The following TRAK1 variants were observed in gnomAD, a reference collection of about 807,000 sequenced individuals.
TRAK1 encodes trafficking kinesin protein 1.
A neutral mutation model predicts 92.1 loss-of-function variants in TRAK1; 33 were observed. The ratio of observed to expected loss-of-function variants is 0.36; its 90% confidence interval spans 0.27 to 0.48. TRAK1 has a LOEUF of 0.48. Among genes scored for constraint, TRAK1 ranks in the 20% least tolerant of loss-of-function variants. The probability of loss-of-function intolerance (pLI) is 0.99; values close to 1 mark genes in which losing one functional copy is unlikely to be tolerated. For missense variants in TRAK1, 1,123 were observed against 1,257.9 expected (o/e 0.89, Z 1.62); for synonymous variants, 521 against 517.3 (o/e 1.01, Z -0.10).
chr3:42,040,871 G>A (rs1404943114), intron 1 of TRAK1, among the ~76,000 whole-genome samples: 1 of 152,016 alleles, frequency 6.6e-6, no homozygotes, highest in Non-Finnish European at 1.5e-5. Flanking sequence ...TAGAGACGGG[G>A]TTTCACCATG....
Position 42,181,369 on chromosome 3 carries a change from C to T in TRAK1, c.364-3316C>T, listed in dbSNP as rs116743721. On this transcript the variant is annotated intron_variant, in intron 3 of 15. Transcript: ENST00000327628. ...TACTAGCCTGGCCTACATGGTGAAA[C>T]GCCATTTCTACCAAAAATACAAAAA... Among the ~76,000 whole-genome samples the T allele has an allele frequency of 1.3e-3, 204 of 152,266 alleles. 1 individual carries two copies. The highest frequency in any genetic ancestry group is 4.5e-3 in the African/African-American group (185 of 41,546).
chr3:42,220,135 G>C (rs1577072109), intron 15 of TRAK1, among the ~76,000 whole-genome samples: 1 of 152,122 alleles, frequency 6.6e-6, no homozygotes, highest in Non-Finnish European at 1.5e-5. Context: ...TATGGATGGA[G>C]TTACTGAGCC....
chr3:42,157,902 C>A (rs1029877008), intron 2 of TRAK1, among the ~76,000 whole-genome samples: 1 of 152,124 alleles, frequency 6.6e-6, no homozygotes, highest in African/African-American at 2.4e-5. Context: ...TTTGGGGAAT[C>A]TTTTTGTACT....
intron 1 of TRAK1, among the ~76,000 whole-genome samples, chr3:42,020,919 A>C (rs1045457969): frequency 6.6e-6 from 1 of 152,176 alleles, no homozygotes; most frequent in African/African-American, 2.4e-5. Flanking sequence ...TTTTTTACTT[A>C]GTGTGAGATC....
chr3:42,155,391 TC>T (rs1559844494), intron 2 of TRAK1, among the ~76,000 whole-genome samples: 1 of 152,226 alleles, frequency 6.6e-6, no homozygotes, highest in Non-Finnish European at 1.5e-5. Flanking sequence ...TTAGAGCTTT[TC>T]CGGCATCTGC....
At chr3:42,035,182 C>T (rs1189963957) in intron 1 of TRAK1, among the ~76,000 whole-genome samples, 1 of 152,144 alleles carries the variant, frequency 6.6e-6, no homozygotes, top group Non-Finnish European at 1.5e-5. Context: ...TCTATAATAC[C>T]CTCATTCTTT....
At chr3:42,086,464 C>A (rs980036536), upstream of TRAK1, among the ~76,000 whole-genome samples, 3 of 151,970 alleles carry the variant, frequency 2.0e-5, no homozygotes, top group African/African-American at 7.3e-5. Context: ...CGCTACCATA[C>A]CTGACTAATT....
At chr3:42,032,802 C>G (rs748185674) in intron 1 of TRAK1, among the ~76,000 whole-genome samples, 3 of 152,152 alleles carry the variant, frequency 2.0e-5, no homozygotes, top group Non-Finnish European at 4.4e-5. Context: ...GCGTGCCTGT[C>G]GTTCCAGCTA....
At chr3:42,210,734 A>G (rs546681211) in intron 14 of TRAK1, 47 of 985,990 alleles carry the variant, frequency 4.8e-5, no homozygotes, top group African/African-American at 7.0e-5. Flanking sequence ...GTGGATTTTT[A>G]AAAAGTGTTT....
rs376391168 is a variant in TRAK1, at chr3:42,209,833, G to A, written c.1811G>A (p.Arg604Gln). ...QPHLGGILDP[R>Q]PGVVTKGFRT... is the part of the protein sequence containing the mutation. ...CACCTTGGGGGCATCCTGGACCCCC[G>A]GCCCGGTGTGGTCACCAAGGGCTTC... The change falls in exon 14 of 16, where the codon CGG (arginine) becomes CAG (glutamine). Residue 604 changes from arginine to glutamine, a missense_variant. Transcript: ENST00000327628. The A allele has an allele frequency of 4.3e-6, 7 of 1,614,160 alleles. No homozygotes were observed. Among genetic ancestry groups the A allele is most frequent in the East Asian group, 4.5e-5 (2 of 44,880 alleles).
chr3:42,095,692 A>T (rs1705797212), intron 1 of TRAK1, among the ~76,000 whole-genome samples: 1 of 150,552 alleles, frequency 6.6e-6, no homozygotes, highest in African/African-American at 2.4e-5. Flanking sequence ...TAGCGACATG[A>T]TATCCCATTG....
rs1360549433 is a variant in TRAK1 at position 42,177,042 on chromosome 3, A to T, written c.363+152A>T. 4 of 672,544 alleles carry T rather than the reference A, an allele frequency of 5.9e-6. No individual in the cohort carries two copies. The East Asian group carries it at 1.0e-4, about 17-fold the overall frequency. 41.7% of individuals were successfully genotyped at this position (672,544 alleles called of 1,614,324 possible). A position where few individuals can be genotyped will look rare whatever the true frequency, so the allele number is the denominator to read the frequency against. On this transcript the variant is annotated intron_variant, in intron 3 of 15. Coordinates refer to ENST00000327628, the MANE Select transcript of TRAK1 (RefSeq NM_001042646.3). ...ATTTAATGGCTTTACTTTTTGAACTAGTAGCTATGTAGGCCTTTATAGCTG... is the reference window on the plus strand; with the variant it reads ...ATTTAATGGCTTTACTTTTTGAACTTGTAGCTATGTAGGCCTTTATAGCTG...
At chr3:42,164,594 G>T (rs974319125) in intron 2 of TRAK1, among the ~76,000 whole-genome samples, 1 of 152,188 alleles carries the variant, frequency 6.6e-6, no homozygotes, top group Admixed American at 6.5e-5. Flanking sequence ...CCCTTCCCTT[G>T]TATTATCTCA....
chr3:42,193,964 A>G, intron 9 of TRAK1, 66 bp downstream of exon 9: 1 of 1,446,066 alleles, frequency 6.9e-7, no homozygotes, highest in Admixed American at 1.9e-5. Context: ...GCCTTCCCGG[A>G]CAGCTTTAGT....
chr3:42,190,190 G>A (rs1705505215), intron 6 of TRAK1, among the ~76,000 whole-genome samples: 1 of 152,252 alleles, frequency 6.6e-6, no homozygotes, highest in African/African-American at 2.4e-5. Flanking sequence ...GTGAGTTTCT[G>A]TTCTCTAGCC....
At chr3:42,089,834 A>G (rs1026328297), upstream of TRAK1, among the ~76,000 whole-genome samples, 8 of 152,220 alleles carry the variant, frequency 5.3e-5, no homozygotes, top group East Asian at 1.9e-4. Context: ...CTCTGTGTCT[A>G]CTTTGCACAC....
Position 42,031,654 on chromosome 3 carries a change from T to C in TRAK1, c.-519+17537T>C, listed in dbSNP as rs569705396. The stretch of plus-strand genomic sequence containing the variant: ...TCTCAAAAAATAGTTTTCTGAACAT[T>C]CTTCAGGTGATTTGATAGTACTTCC... On this transcript the variant is annotated intron_variant, in intron 1 of 16. Transcript: ENST00000487159. Among the ~76,000 whole-genome samples the C allele has an allele frequency of 2.0e-5, 3 of 152,126 alleles. No individual in the cohort carries two copies. The South Asian group carries it at 6.2e-4, about 32-fold the overall frequency.
intron 1 of TRAK1, among the ~76,000 whole-genome samples, chr3:42,070,504 G>A (rs757195819): frequency 6.6e-6 from 1 of 151,904 alleles, no homozygotes; most frequent in African/African-American, 2.4e-5. Context: ...CATGGCTCAC[G>A]GCAGCCTTGA....
intron 14 of TRAK1, among the ~76,000 whole-genome samples, chr3:42,214,846 G>C (rs779643724): frequency 6.6e-6 from 1 of 152,148 alleles, no homozygotes; most frequent in Non-Finnish European, 1.5e-5. Context: ...TGCTTAAGCA[G>C]AGAAAAAAAT....
Sources: allele counts gnomAD v4.1 joint callset (sites outside exome capture counted in the v4.1 genomes callset), GRCh38; gene constraint gnomAD v4.1.1; transcripts MANE v1.5; gene names NCBI Gene and HGNC (gene_info 2026-07-23, HGNC 2026-07-21).